Variants in LHX4 observed in about 807,000 individuals in gnomAD.
LHX4 encodes the protein LIM homeobox 4, also known as LIM/homeobox protein Lhx4.
In LHX4, 16 loss-of-function variants were observed where a neutral mutation model predicts 39.2. The observed-to-expected ratio is 0.41, with a 90% CI of 0.28 to 0.62. LHX4 has a LOEUF of 0.62. Among genes scored for constraint, LHX4 ranks in the 20% least tolerant of loss-of-function variants. LHX4 has a pLI of 0.33. For missense variants in LHX4, 439 were observed against 511.9 expected, an observed-to-expected ratio of 0.86 and a Z score of 1.37; for synonymous variants, 206 against 198.1, an observed-to-expected ratio of 1.04 and a Z score of -0.33.
intron 2 of LHX4, among the ~76,000 whole-genome samples, chr1:180,251,214 C>T (rs145974494): frequency 2.0e-5 from 3 of 152,250 alleles, no homozygotes; most frequent in South Asian, 2.1e-4. Context: ...CCGGCGCTCC[C>T]TTCCAGTCCT....
At position 180,271,917 on chromosome 1, in the gene LHX4, G is replaced by A. The variant is rs777917804; in HGVS notation, c.689G>A (p.Ser230Asn). Residue 230 changes from serine (S) to asparagine (N), a missense_variant, in exon 5 of 6, where the codon AGC (serine) becomes AAC (asparagine). By Grantham distance (46) the Ser-to-Asn change is conservative. Coordinates refer to ENST00000263726, the MANE Select transcript of LHX4 (RefSeq NM_033343.4). ...CACCGCTGGGGGCAGTTCTATAAGA[G>A]CGTCAAGAGGAGCCGGGGCAGCAGC... ...GRHRWGQFYK[S>N]VKRSRGSSKQ... 12 of 1,613,474 alleles carry A rather than the reference G, an allele frequency of 7.4e-6. No homozygotes were observed. Among genetic ancestry groups the A allele is most frequent in the African/African-American group, 1.3e-5 (1 of 74,722 alleles).
chr1:180,244,847 G>C (rs1647323219), intron 1 of LHX4, among the ~76,000 whole-genome samples: 1 of 152,218 alleles, frequency 6.6e-6, no homozygotes, highest in Non-Finnish European at 1.5e-5. Flanking sequence ...TGGAAATCCA[G>C]ATCACACAAA....
intron 2 of LHX4, among the ~76,000 whole-genome samples, chr1:180,250,398 G>A (rs1647576565): frequency 6.6e-6 from 1 of 152,186 alleles, no homozygotes; most frequent in African/African-American, 2.4e-5. Flanking sequence ...AACATAATGT[G>A]TGTGTGAAGA....
At chr1:180,231,059 G>A (rs1171261184) in intron 1 of LHX4, among the ~76,000 whole-genome samples, 1 of 152,216 alleles carries the variant, frequency 6.6e-6, no homozygotes, top group South Asian at 2.1e-4. Context: ...TGGGGCTGGC[G>A]GCGGAGAAGC....
intron 3 of LHX4, among the ~76,000 whole-genome samples, chr1:180,268,628 G>C (rs1271908625): frequency 6.6e-6 from 1 of 152,192 alleles, no homozygotes; most frequent in African/African-American, 2.4e-5. Context: ...GGTTTAAATA[G>C]GATGAGGCTT....
At chr1:180,245,244 C>T (rs1374056946) in intron 1 of LHX4, among the ~76,000 whole-genome samples, 1 of 152,260 alleles carries the variant, frequency 6.6e-6, no homozygotes, top group African/African-American at 2.4e-5. Context: ...CATAACCCTC[C>T]TGACCTGAGT....
At chr1:180,255,568 G>A (rs1198632292) in intron 2 of LHX4, among the ~76,000 whole-genome samples, 1 of 152,244 alleles carries the variant, frequency 6.6e-6, no homozygotes, top group Non-Finnish European at 1.5e-5. Flanking sequence ...CCGGATAGTG[G>A]CTGTGCGTGT....
rs1558207197 is a variant in LHX4 at position 180,234,202 on chromosome 1, T to G, written c.76+3597T>G. ...ATATATATATATATATATATATATA[T>G]ATATATATATATATATATAATAGAT... On this transcript the variant is annotated intron_variant, in intron 1 of 5. Coordinates refer to ENST00000263726, the MANE Select transcript of LHX4 (RefSeq NM_033343.4). This position sits in a 1 kb window ranked among gnomAD's most constrained non-coding sequence, Gnocchi z 4.8. 1.6e-5 allele frequency among the ~76,000 whole-genome samples: 1 copy of G among 62,652 alleles called. No individual in the cohort carries two copies. Among genetic ancestry groups the G allele is most frequent in the Non-Finnish European group, 3.1e-5 (1 of 32,528 alleles). 41.1% of individuals were successfully genotyped at this position (62,652 alleles called of 152,430 possible).
intron 2 of LHX4, among the ~76,000 whole-genome samples, chr1:180,263,162 G>A (rs926330771): frequency 1.3e-5 from 2 of 152,146 alleles, no homozygotes; most frequent in African/African-American, 2.4e-5. Context: ...TTACCCCAGC[G>A]TCCTTCATAT....
intron 2 of LHX4, among the ~76,000 whole-genome samples, chr1:180,250,737 C>T (rs1233962602): frequency 6.6e-6 from 1 of 152,106 alleles, no homozygotes; most frequent in Admixed American, 6.5e-5. Flanking sequence ...ATTTTTGGAC[C>T]CTGAGTGGCT....
intron 2 of LHX4, among the ~76,000 whole-genome samples, chr1:180,249,448 G>A (rs1285382002): frequency 6.6e-6 from 1 of 152,250 alleles, no homozygotes; most frequent in African/African-American, 2.4e-5. Context: ...CCAAGAGCCG[G>A]AGGTGGGGGT....
At chr1:180,241,921 G>A (rs372845987) in intron 1 of LHX4, among the ~76,000 whole-genome samples, 4 of 151,820 alleles carry the variant, frequency 2.6e-5, no homozygotes, top group East Asian at 3.9e-4. Context: ...GGGCTCAAGC[G>A]ATCCTCTTGC....
At position 180,233,752 on chromosome 1, in the gene LHX4, GAGA is replaced by G. The variant is rs1472768193; in HGVS notation, c.76+3150_76+3152del. ...GCGGGAGAGAGGGCAGCCCGCACGG[GAGA>G]AGGAGGAGCCCCGCGGGGTCTCCGC... is the stretch of plus-strand genomic sequence containing the variant. On this transcript the variant is annotated intron_variant, in intron 1 of 5. Coordinates refer to ENST00000263726, the MANE Select transcript of LHX4 (RefSeq NM_033343.4). Among the ~76,000 whole-genome samples the G allele has an allele frequency of 3.3e-5, 5 of 152,290 alleles. No individual in the cohort carries two copies. The East Asian group carries it at 9.7e-4, about 29-fold the overall frequency.
intron 2 of LHX4, among the ~76,000 whole-genome samples, chr1:180,249,157 C>A (rs1437120634): frequency 2.0e-5 from 3 of 152,218 alleles, no homozygotes; most frequent in Admixed American, 2.0e-4. Context: ...GTAGTCCCTA[C>A]CTCATGAGGT....
intron 3 of LHX4, among the ~76,000 whole-genome samples, chr1:180,269,418 G>A (rs1207146114): frequency 6.6e-6 from 1 of 152,012 alleles, no homozygotes; most frequent in African/African-American, 2.4e-5. Context: ...ACATTGTTAT[G>A]GGATATAAAA....
At chr1:180,236,487 C>G (rs1181290074) in intron 1 of LHX4, among the ~76,000 whole-genome samples, 1 of 152,082 alleles carries the variant, frequency 6.6e-6, no homozygotes, top group Non-Finnish European at 1.5e-5. Flanking sequence ...GAGGAGGAGC[C>G]GGGGGAAGGA....
intron 1 of LHX4, among the ~76,000 whole-genome samples, chr1:180,244,888 G>A (rs961463026): frequency 6.7e-6 from 1 of 148,492 alleles, no homozygotes; most frequent in Non-Finnish European, 1.5e-5. Context: ...CAGGGCAGAG[G>A]TGCGGCTGTG....
intron 4 of LHX4, 130 bp from the exon 5 acceptor site, chr1:180,271,705 C>A: frequency 7.9e-7 from 1 of 1,268,660 alleles, no homozygotes; most frequent in Non-Finnish European, 1.1e-6. Context: ...GGGGGTGGGG[C>A]GCATCGCACT....
chr1:180,229,414 G>C (rs1411966777), upstream of LHX4, among the ~76,000 whole-genome samples: 1 of 152,078 alleles, frequency 6.6e-6, no homozygotes, highest in African/African-American at 2.4e-5. Flanking sequence ...CGCGGTCTGC[G>C]GGGACGCGCG....
Sources: gnomAD v4.1 joint callset for allele counts (sites outside exome capture counted in the v4.1 genomes callset) on GRCh38, gnomAD v4.1.1 for gene constraint, Gnocchi (gnomAD v3.1) non-coding constraint, MANE v1.5 for transcripts, NCBI Gene and HGNC (gene_info 2026-07-23, HGNC 2026-07-21) for gene names.